The following GPC5 variants were observed in gnomAD, a reference collection of about 807,000 sequenced individuals.
GPC5 encodes glypican-5.
In GPC5, 47 loss-of-function variants were observed where a neutral mutation model predicts 53.9. The ratio of observed to expected loss-of-function variants is 0.87; its 90% CI spans 0.69 to 1.11. The LOEUF is 1.11. GPC5 is among the 50% of genes most tolerant of loss of function. The pLI is 0.00. For synonymous variants in GPC5, 286 were observed against 263.3 expected (o/e 1.09, Z -0.84); for missense variants, 748 against 713.1 (o/e 1.05, Z -0.56).
At chr13:91,976,963 C>G (rs2040308509) in intron 6 of GPC5, among the ~76,000 whole-genome samples, 1 of 151,990 alleles carries the variant, frequency 6.6e-6, no homozygotes, top group East Asian at 1.9e-4. Context: ...CACTTGAACC[C>G]AGGAGATGGA....
intron 5 of GPC5, among the ~76,000 whole-genome samples, chr13:91,837,902 T>G (rs1443138759): frequency 1.3e-5 from 2 of 151,874 alleles, no homozygotes; most frequent in Non-Finnish European, 2.9e-5. Flanking sequence ...TGGGTGGGGG[T>G]CATCCAAGGA....
intron 6 of GPC5, among the ~76,000 whole-genome samples, chr13:92,085,523 A>T (rs2041328625): frequency 6.6e-6 from 1 of 152,084 alleles, no homozygotes; most frequent in African/African-American, 2.4e-5. Context: ...GTGGTAGACA[A>T]TTTTTTTCAC....
intron 7 of GPC5, among the ~76,000 whole-genome samples, chr13:92,318,526 C>T (rs913143935): frequency 4.6e-5 from 7 of 152,176 alleles, no homozygotes; most frequent in Admixed American, 4.6e-4. Context: ...TTATAAATTA[C>T]TTAATTGTTA....
intron 7 of GPC5, among the ~76,000 whole-genome samples, chr13:92,204,217 G>A (rs933627474): frequency 6.6e-6 from 1 of 152,114 alleles, no homozygotes; most frequent in Non-Finnish European, 1.5e-5. Context: ...TAAATAAATG[G>A]CAATTGAAAG....
At chr13:92,670,595 G>C (rs1886712715) in intron 7 of GPC5, among the ~76,000 whole-genome samples, 1 of 152,078 alleles carries the variant, frequency 6.6e-6, no homozygotes, top group African/African-American at 2.4e-5. Context: ...ATCTGAGACT[G>C]AACTAATGGC....
intron 7 of GPC5, among the ~76,000 whole-genome samples, chr13:92,579,262 CCTCCCT>C (rs1883290036): frequency 3.1e-5 from 1 of 32,044 alleles, no homozygotes; most frequent in Non-Finnish European, 5.9e-5. Context: ...TCCCTCCCTC[CCTCCCT>C]CCCTCCCTCT....
chr13:91,611,710 C>T (rs960233069), intron 2 of GPC5, among the ~76,000 whole-genome samples: 2 of 152,166 alleles, frequency 1.3e-5, no homozygotes, highest in South Asian at 2.1e-4. Flanking sequence ...AAGAATTGTT[C>T]TCCTGACTGT....
intron 7 of GPC5, among the ~76,000 whole-genome samples, chr13:92,215,086 CT>C (rs1169203571): frequency 1.3e-5 from 2 of 152,144 alleles, no homozygotes; most frequent in Non-Finnish European, 2.9e-5. Flanking sequence ...TTTCAAGCCA[CT>C]AAGTTTTTGA....
intron 7 of GPC5, among the ~76,000 whole-genome samples, chr13:92,690,651 T>C (rs1401895622): frequency 1.4e-5 from 2 of 145,728 alleles, no homozygotes; most frequent in Admixed American, 7.0e-5. Context: ...CTCTGCGTTT[T>C]ACAGTTTCCA....
chr13:92,231,686 A>AG (rs1383217078), intron 7 of GPC5, among the ~76,000 whole-genome samples: 2 of 149,518 alleles, frequency 1.3e-5, no homozygotes, highest in Non-Finnish European at 2.9e-5. Context: ...TCCCAATGAC[A>AG]GCCAGGCAAG....
intron 7 of GPC5, among the ~76,000 whole-genome samples, chr13:92,349,659 T>A (rs1041413026): frequency 3.3e-5 from 5 of 151,988 alleles, no homozygotes. Flanking sequence ...AATATACTCC[T>A]AGGCATATAC....
At chr13:92,309,685 C>G (rs988432949) in intron 7 of GPC5, among the ~76,000 whole-genome samples, 1 of 151,934 alleles carries the variant, frequency 6.6e-6, no homozygotes, top group Non-Finnish European at 1.5e-5. Flanking sequence ...AAAATGATTA[C>G]CACAATCAAG....
intron 7 of GPC5, among the ~76,000 whole-genome samples, chr13:92,273,889 A>C (rs1465225100): frequency 1.3e-5 from 2 of 152,154 alleles, no homozygotes; most frequent in Non-Finnish European, 2.9e-5. Context: ...CAATACCTGC[A>C]AATAACCAAA....
intron 6 of GPC5, among the ~76,000 whole-genome samples, chr13:91,989,125 G>T (rs867126103): frequency 6.6e-6 from 1 of 152,104 alleles, no homozygotes; most frequent in Non-Finnish European, 1.5e-5. Flanking sequence ...TGTTAGATTG[G>T]AGCCTCAGTG....
At chr13:91,708,798 T>C (rs930175201) in intron 3 of GPC5, among the ~76,000 whole-genome samples, 4 of 152,196 alleles carry the variant, frequency 2.6e-5, no homozygotes, top group African/African-American at 9.6e-5. Context: ...GTGGGTTTGT[T>C]CTTTCTGTTG....
intron 7 of GPC5, among the ~76,000 whole-genome samples, chr13:92,703,349 G>C (rs185494189): frequency 1.3e-5 from 2 of 151,522 alleles, no homozygotes; most frequent in African/African-American, 2.4e-5. Flanking sequence ...AACTGTAGGA[G>C]ATATGATAGA....
At chr13:92,222,077 C>T (rs2042453268) in intron 7 of GPC5, among the ~76,000 whole-genome samples, 1 of 152,094 alleles carries the variant, frequency 6.6e-6, no homozygotes, top group Admixed American at 6.6e-5. Flanking sequence ...TTTCCCAGGA[C>T]TAATCTGTGC....
At chr13:92,701,705 G>A (rs1207930948) in intron 7 of GPC5, among the ~76,000 whole-genome samples, 9 of 151,008 alleles carry the variant, frequency 6.0e-5, no homozygotes, top group Admixed American at 5.3e-4. Flanking sequence ...GCCATTTCTT[G>A]TATATTTCAC....
At chr13:92,282,691 C>G (rs1001324975) in intron 7 of GPC5, among the ~76,000 whole-genome samples, 2 of 152,092 alleles carry the variant, frequency 1.3e-5, no homozygotes, top group Non-Finnish European at 2.9e-5. Context: ...CAAGCAAATG[C>G]TGAGAGATTT....
Sources: gnomAD v4.1 joint callset for allele counts (sites outside exome capture counted in the v4.1 genomes callset) on GRCh38, gnomAD v4.1.1 for gene constraint, MANE v1.5 for transcripts, NCBI Gene and HGNC (gene_info 2026-07-23, HGNC 2026-07-21) for gene names.